The following FIGN variants were observed in gnomAD, a reference collection of about 807,000 sequenced individuals.
FIGN encodes fidgetin.
FIGN carries 11 observed loss-of-function variants against 51.3 expected under a neutral mutation model. The observed-to-expected ratio is 0.21, with a 90% CI of 0.13 to 0.35. FIGN has a LOEUF of 0.35. Ranked by LOEUF, FIGN falls within the 10% of genes least tolerant of loss-of-function variation. The pLI is 1.00. For synonymous variants in FIGN, 407 were observed against 363.2 expected (o/e 1.12, Z -1.37); for missense variants, 857 against 943.6 (o/e 0.91, Z 1.20).
intron 2 of FIGN, among the ~76,000 whole-genome samples, chr2:163,660,032 C>A (rs778349652): frequency 7.9e-5 from 12 of 151,934 alleles, no homozygotes; most frequent in Non-Finnish European, 1.0e-4. Flanking sequence ...ACCCGGGAGG[C>A]AGAGGCTGCA....
intron 2 of FIGN, among the ~76,000 whole-genome samples, chr2:163,679,792 A>G (rs1193187642): frequency 3.3e-5 from 5 of 152,188 alleles, no homozygotes; most frequent in Non-Finnish European, 7.3e-5. Context: ...ATTGTCCTCT[A>G]TAATCTGTTT....
intron 2 of FIGN, among the ~76,000 whole-genome samples, chr2:163,698,280 A>T (rs1245532761): frequency 2.0e-5 from 3 of 152,112 alleles, no homozygotes; most frequent in African/African-American, 7.2e-5. Flanking sequence ...CTTTCAATAA[A>T]TTATTGAAAG....
chr2:163,624,091 A>C (rs1350784518), intron 2 of FIGN, among the ~76,000 whole-genome samples: 1 of 152,052 alleles, frequency 6.6e-6, no homozygotes, highest in Admixed American at 6.6e-5. Context: ...TGTTAAATAC[A>C]GCTAAATAAC....
intron 2 of FIGN, among the ~76,000 whole-genome samples, chr2:163,726,709 C>T (rs1477236265): frequency 1.3e-5 from 2 of 152,002 alleles, no homozygotes; most frequent in Admixed American, 6.6e-5. Context: ...GAACATATTC[C>T]ATTTAGATAA....
chr2:163,610,646 T>C lies in FIGN; in HGVS notation c.1186A>G (p.Ser396Gly), dbSNP rs370402484. The C allele has an allele frequency of 2.1e-5, 34 of 1,614,110 alleles. No individual in the cohort carries two copies. Among genetic ancestry groups the C allele is most frequent in the Non-Finnish European group, 2.7e-5 (32 of 1,180,050 alleles). The part of the protein sequence containing the change: ...EQQRKFSSQS[S>G]RALTPPSYST... ...TAGGAAGGAGGGGTCAGAGCCCTAC[T>C]GGACTGGCTGCTGAATTTCCTTTGC... Residue 396 changes from serine (S) to glycine (G), a missense_variant, in exon 3 of 3, where the codon AGT becomes GGT. Transcript: ENST00000333129.
intron 2 of FIGN, among the ~76,000 whole-genome samples, chr2:163,676,434 A>AAAATAT (rs1459749587): frequency 2.3e-4 from 15 of 65,856 alleles, no homozygotes; most frequent in Non-Finnish European, 3.5e-4. Flanking sequence ...GGATTCCTGG[A>AAAATAT]ATATATATAT....
At chr2:163,665,778 T>A (rs1346178148) in intron 2 of FIGN, among the ~76,000 whole-genome samples, 1 of 152,050 alleles carries the variant, frequency 6.6e-6, no homozygotes, top group Non-Finnish European at 1.5e-5. Flanking sequence ...CATAAGAGAG[T>A]ATCATTTAAT....
chr2:163,610,292 C>T lies in FIGN; in HGVS notation c.1540G>A (p.Gly514Arg). The T allele has an allele frequency of 6.2e-7, 1 of 1,614,154 alleles. No individual in the cohort carries two copies. Among genetic ancestry groups the T allele is most frequent in the Non-Finnish European group, 8.5e-7 (1 of 1,180,040 alleles). The part of the protein sequence containing the change: ...WPVLRSDAFS[G>R]LTALPRSILL... ...ATGCTCCGAGGTAAGGCCGTCAGTC[C>T]ACTGAACGCGTCTGACCTCAACACT... The change falls in exon 3 of 3, where the codon GGA (glycine) becomes AGA (arginine). Residue 514 changes from glycine to arginine, a missense_variant. This residue lies in a region of FIGN where 799 missense variants were observed against 849.5 expected (regional missense o/e 0.94). Transcript: ENST00000333129.
rs1345870664 is a variant in FIGN at position 163,606,083 on chromosome 2, A to G, written c.*3469T>C. Reference sequence around the variant, plus strand: ...TTTCTCCTTGATAGGTTTCAAATGCACAAGAAAACATTATACCCGTCTATC... The same window carrying G: ...TTTCTCCTTGATAGGTTTCAAATGCGCAAGAAAACATTATACCCGTCTATC... On this transcript the variant is annotated 3_prime_UTR_variant, in exon 3 of 3. Transcript: ENST00000333129. 1 of 152,086 alleles carries G rather than the reference A, an allele frequency of 6.6e-6. No homozygotes were observed. The highest frequency in any genetic ancestry group is 2.4e-5 in the African/African-American group (1 of 41,426). The allele number at this position is 152,086 out of a possible 1,614,324, so 9.4% of individuals were successfully genotyped here.
chr2:163,664,366 A>G (rs962861285), intron 2 of FIGN, among the ~76,000 whole-genome samples: 12 of 152,148 alleles, frequency 7.9e-5, no homozygotes, highest in African/African-American at 2.9e-4. Flanking sequence ...ACTTTTGTAC[A>G]TTTCCATAGA....
intron 2 of FIGN, among the ~76,000 whole-genome samples, chr2:163,649,153 C>A (rs1440701358): frequency 1.3e-5 from 2 of 152,128 alleles, no homozygotes; most frequent in African/African-American, 2.4e-5. Flanking sequence ...AAAAAGAATT[C>A]TCCTGTACTG....
At chr2:163,620,526 T>C (rs894595265) in intron 2 of FIGN, among the ~76,000 whole-genome samples, 1 of 152,164 alleles carries the variant, frequency 6.6e-6, no homozygotes, top group African/African-American at 2.4e-5. Context: ...AGCCCCATGC[T>C]ATATTCATAG....
At chr2:163,670,230 G>A (rs1683854624) in intron 2 of FIGN, among the ~76,000 whole-genome samples, 1 of 152,142 alleles carries the variant, frequency 6.6e-6, no homozygotes, top group South Asian at 2.1e-4. Context: ...AAGTGATGCT[G>A]TGTTAATACT....
chr2:163,670,432 C>G (rs1017099239), intron 2 of FIGN, among the ~76,000 whole-genome samples: 8 of 152,210 alleles, frequency 5.3e-5, no homozygotes, highest in Non-Finnish European at 1.0e-4. Context: ...ATCAACTAAA[C>G]AGCATGTAGT....
At chr2:163,713,719 C>T (rs1427952631) in intron 2 of FIGN, among the ~76,000 whole-genome samples, 2 of 152,182 alleles carry the variant, frequency 1.3e-5, no homozygotes, top group Non-Finnish European at 2.9e-5. Context: ...TTTCCAGCAT[C>T]TGATGAGGAC....
At chr2:163,729,538 C>T (rs916207953) in intron 2 of FIGN, among the ~76,000 whole-genome samples, 1 of 151,812 alleles carries the variant, frequency 6.6e-6, no homozygotes, top group Non-Finnish European at 1.5e-5. Flanking sequence ...GAACAGAAAC[C>T]TAGTAAGAAG....
chr2:163,723,000 C>G (rs930160858), intron 2 of FIGN, among the ~76,000 whole-genome samples: 1 of 151,676 alleles, frequency 6.6e-6, no homozygotes, highest in African/African-American at 2.4e-5. Flanking sequence ...TCCCGGCTAA[C>G]ACGGTGAAAC....
rs540879783 is a variant in FIGN at position 163,612,665 on chromosome 2, C to T, written c.26-859G>A. ...TCTCTTATAATCCCTCCTCCCCTTA[C>T]AGCCTGCAAGGTACTAAGAGGGGAG... is the stretch of plus-strand genomic sequence containing the variant. On this transcript the variant is annotated intron_variant, in intron 2 of 2. Transcript: ENST00000333129. 8 of 967,678 alleles carry T rather than the reference C, an allele frequency of 8.3e-6. No homozygotes were observed. The African/African-American group carries it at 1.2e-4, about 15-fold the overall frequency. The allele number at this position is 967,678 out of a possible 1,614,324, so 59.9% of individuals were successfully genotyped here.
intron 2 of FIGN, among the ~76,000 whole-genome samples, chr2:163,705,281 T>C (rs947410859): frequency 6.6e-6 from 1 of 152,204 alleles, no homozygotes; most frequent in African/African-American, 2.4e-5. Context: ...TCAACACTCT[T>C]CGTTGCACAG....
Sources: allele counts gnomAD v4.1 joint callset (sites outside exome capture counted in the v4.1 genomes callset), GRCh38; gene constraint gnomAD v4.1.1; regional missense constraint gnomAD v4.1.1; transcripts MANE v1.5; gene names NCBI Gene and HGNC (gene_info 2026-07-23, HGNC 2026-07-21).